RIMKLB: variants seen among roughly 807,000 people sequenced by gnomAD.
RIMKLB encodes ribosomal modification protein rimK like family member B.
Under a neutral mutation model 32.0 loss-of-function variants are expected in RIMKLB, and 7 were observed. That is an observed-to-expected ratio of 0.22 (90% CI 0.12 to 0.41). The LOEUF is 0.41. Ranked by LOEUF, RIMKLB falls within the 10% of genes least tolerant of loss-of-function variation. The pLI, the probability that RIMKLB is intolerant of heterozygous loss-of-function variation, is 1.00. For synonymous variants in RIMKLB, 172 were observed against 185.1 expected (o/e 0.93, Z 0.57); for missense variants, 289 against 498.7 (o/e 0.58, Z 4.00).
At chr12:8,718,663 A>ATG (rs1379997821) in intron 2 of RIMKLB, among the ~76,000 whole-genome samples, 16 of 116,136 alleles carry the variant, frequency 1.4e-4, no homozygotes, top group South Asian at 2.6e-4. Flanking sequence ...CTATATATAT[A>ATG]TATATATGTG....
chr12:8,716,497 T>G (rs1332947069), intron 2 of RIMKLB, among the ~76,000 whole-genome samples: 2 of 149,704 alleles, frequency 1.3e-5, no homozygotes, highest in African/African-American at 4.9e-5. Context: ...TGTTGCTTTT[T>G]CCTTCTAAGC....
At chr12:8,771,478 C>A (rs1194411305) in intron 5 of RIMKLB, among the ~76,000 whole-genome samples, 2 of 152,126 alleles carry the variant, frequency 1.3e-5, no homozygotes, top group Admixed American at 1.3e-4. Context: ...TGGACAAAAA[C>A]CAATATATAA....
exon 1 of RIMKLB, chr12:8,681,698 C>T (rs1179459691): frequency 6.6e-6 from 1 of 152,196 alleles, no homozygotes; most frequent in African/African-American, 2.4e-5. Flanking sequence ...TTTATGGATT[C>T]GTGGGCTGCT....
chr12:8,720,172 A>G (rs940460085), intron 2 of RIMKLB, among the ~76,000 whole-genome samples: 1 of 152,102 alleles, frequency 6.6e-6, no homozygotes, highest in Admixed American at 6.6e-5. Context: ...TGTGAGTAGA[A>G]TATAGAACAT....
chr12:8,763,102 T>G (rs1305504402), intron 5 of RIMKLB, among the ~76,000 whole-genome samples: 1 of 152,202 alleles, frequency 6.6e-6, no homozygotes, highest in East Asian at 1.9e-4. Context: ...GTCCACACAG[T>G]AAGATCTCTT....
At chr12:8,728,843 C>T (rs2137244035) in intron 2 of RIMKLB, among the ~76,000 whole-genome samples, 1 of 151,990 alleles carries the variant, frequency 6.6e-6, no homozygotes, top group South Asian at 2.1e-4. Flanking sequence ...TGCCATTTTG[C>T]CCAGGCTGGT....
intron 2 of RIMKLB, among the ~76,000 whole-genome samples, chr12:8,723,804 CTTTTTT>C (rs35269536): frequency 2.0e-4 from 15 of 75,502 alleles, no homozygotes; most frequent in Non-Finnish European, 2.8e-4. Context: ...CTTCAGTTCC[CTTTTTT>C]TTTTTTTTTT....
chr12:8,673,716 C>G, the RIMKLB span, among the ~76,000 whole-genome samples: 1 of 151,978 alleles, frequency 6.6e-6, no homozygotes, highest in African/African-American at 2.4e-5. Context: ...CTACCTTAGC[C>G]TCCCCAGTAG....
rs371361775 is a variant in RIMKLB at position 8,691,217 on chromosome 12, C to T, written n.219+9399C>T. ...CATGGTTCACTGCAGCCTAGAACTC[C>T]TGGGCTCAAGCAATCCTCCTGCCTC... On this transcript the variant is annotated intron_variant and non_coding_transcript_variant, in intron 1 of 1. Transcript: ENST00000538758. 8.0e-4 allele frequency among the ~76,000 whole-genome samples: 122 copies of T among 152,222 alleles called. 2 individuals are homozygous for T. In the South Asian group the frequency reaches 0.024, roughly 30 times the overall value.
intron 2 of RIMKLB, among the ~76,000 whole-genome samples, chr12:8,730,481 T>C (rs1477956676): frequency 1.3e-5 from 2 of 152,234 alleles, no homozygotes; most frequent in Non-Finnish European, 2.9e-5. Flanking sequence ...TCTCCAGCTA[T>C]AATAGCTTGC....
intron 1 of RIMKLB, among the ~76,000 whole-genome samples, chr12:8,691,446 CT>C (rs1426568086): frequency 1.3e-5 from 2 of 151,874 alleles, no homozygotes; most frequent in Non-Finnish European, 2.9e-5. Flanking sequence ...CCCATCTCTA[CT>C]AAAAATACAA....
intron 5 of RIMKLB, among the ~76,000 whole-genome samples, chr12:8,760,258 A>G (rs1280126023): frequency 2.0e-5 from 3 of 152,202 alleles, no homozygotes; most frequent in South Asian, 2.1e-4. Context: ...CCATGTCCCT[A>G]CAAAGGACAT....
intron 2 of RIMKLB, among the ~76,000 whole-genome samples, chr12:8,746,395 T>G (rs1385928516): frequency 2.6e-5 from 4 of 151,418 alleles, no homozygotes; most frequent in Admixed American, 6.6e-5. Flanking sequence ...GGTCAGGAGT[T>G]TGAGACCAGC....
At chr12:8,772,547 A>C (rs2138273964) in intron 5 of RIMKLB, among the ~76,000 whole-genome samples, 1 of 152,312 alleles carries the variant, frequency 6.6e-6, no homozygotes, top group Admixed American at 6.5e-5. Flanking sequence ...TACCTAAAAG[A>C]AGCCTTTTGT....
intron 3 of RIMKLB, 53 bp from the exon 4 acceptor site, chr12:8,751,904 C>A: frequency 8.5e-7 from 1 of 1,174,246 alleles, no homozygotes; most frequent in South Asian, 1.3e-5. Context: ...TAAAATTGAT[C>A]ACAAAATACT....
chr12:8,697,532 G>T, upstream of RIMKLB: 1 of 154,442 alleles, frequency 6.5e-6, no homozygotes, highest in South Asian at 1.7e-4. Context: ...ATGTGAGGGC[G>T]GGGAGGGCGT....
At chr12:8,693,386 TTTC>T (rs1942787166), upstream of RIMKLB, among the ~76,000 whole-genome samples, 1 of 144,414 alleles carries the variant, frequency 6.9e-6, no homozygotes, top group Non-Finnish European at 1.5e-5. Flanking sequence ...TTGTTTTCTT[TTTC>T]TTTCTTTCTT....
At chr12:8,753,813 C>T in intron 4 of RIMKLB, 77 bp from the exon 5 acceptor site, 2 of 1,141,804 alleles carry the variant, frequency 1.8e-6, no homozygotes, top group African/African-American at 1.5e-5. Flanking sequence ...GATTGTGATA[C>T]AAGAAGATTC....
chr12:8,766,595 T>TC (rs1216149561), intron 5 of RIMKLB, among the ~76,000 whole-genome samples: 1 of 152,226 alleles, frequency 6.6e-6, no homozygotes, highest in Non-Finnish European at 1.5e-5. Flanking sequence ...GCAGACCAAT[T>TC]ATTAGGCAAT....
Sources: gnomAD v4.1 joint callset for allele counts (sites outside exome capture counted in the v4.1 genomes callset) on GRCh38, gnomAD v4.1.1 for gene constraint, MANE v1.5 for transcripts, NCBI Gene and HGNC (gene_info 2026-07-23, HGNC 2026-07-21) for gene names.